Variants in ZNF846 observed in about 807,000 individuals in gnomAD.
The protein encoded by ZNF846 is zinc finger protein 420 pseudogene.
In ZNF846, 15 loss-of-function variants were observed where a neutral mutation model predicts 16.0. The ratio of observed to expected loss-of-function variants is 0.94; its 90% CI spans 0.63 to 1.45. The LOEUF is 1.45. Among genes scored for constraint, ZNF846 ranks in the 40% most tolerant of loss-of-function variants. The probability of loss-of-function intolerance (pLI) is 0.00; values close to 1 mark genes in which losing one functional copy is unlikely to be tolerated. For missense variants in ZNF846, 714 were observed against 622.3 expected (o/e 1.15, Z -1.57); for synonymous variants, 229 against 212.0 (o/e 1.08, Z -0.70).
At chr19:9,755,570 G>C (rs2045124662), downstream of ZNF846, 1 of 150,880 alleles carries the variant, frequency 6.6e-6, no homozygotes, top group Non-Finnish European at 1.5e-5. Flanking sequence ...GGAGGCCGAA[G>C]CGGGCGGATC....
intron 1 of ZNF846, among the ~76,000 whole-genome samples, chr19:9,779,202 T>G (rs1255875491): frequency 6.6e-6 from 1 of 152,178 alleles, no homozygotes; most frequent in Non-Finnish European, 1.5e-5. Flanking sequence ...GGTGTCACCT[T>G]GAAAAGAGGT....
chr19:9,781,787 T>C (rs530401376), intron 1 of ZNF846, among the ~76,000 whole-genome samples: 55 of 151,726 alleles, frequency 3.6e-4, no homozygotes, highest in African/African-American at 1.3e-3. Flanking sequence ...ATTTTTTTTT[T>C]TTTTTTTTGA....
chr19:9,751,148 A>T (rs771573120), downstream of ZNF846, among the ~76,000 whole-genome samples: 2 of 152,012 alleles, frequency 1.3e-5, no homozygotes, highest in Non-Finnish European at 2.9e-5. Context: ...TAATCTCTCA[A>T]TTCCTACAAA....
At chr19:9,754,563 T>TCAA (rs776769152), downstream of ZNF846, among the ~76,000 whole-genome samples, 22 of 83,768 alleles carry the variant, frequency 2.6e-4, 1 homozygote, top group African/African-American at 7.8e-4. Flanking sequence ...AGACTCTGTC[T>TCAA]TAAAAAAAAA....
downstream of ZNF846, chr19:9,757,434 C>A: frequency 6.8e-7 from 1 of 1,466,304 alleles, no homozygotes; most frequent in Non-Finnish European, 9.1e-7. Context: ...GATTTTTTTC[C>A]AGATGAGTTT....
exon 6 of ZNF846, chr19:9,757,817 C>T: frequency 6.2e-7 from 1 of 1,613,334 alleles, no homozygotes. Context: ...ATTCATATGG[C>T]TTCTCTCCAG....
At chr19:9,765,279 G>A (rs977324090) in intron 1 of ZNF846, among the ~76,000 whole-genome samples, 3 of 152,218 alleles carry the variant, frequency 2.0e-5, no homozygotes, top group Admixed American at 2.0e-4. Context: ...GGAGGCCGAG[G>A]TGGGGGAATC....
intron 1 of ZNF846, among the ~76,000 whole-genome samples, chr19:9,783,542 AAAAT>A (rs1277784468): frequency 2.3e-4 from 27 of 118,422 alleles, no homozygotes; most frequent in African/African-American, 1.0e-3. Flanking sequence ...AAAAAAAAAA[AAAAT>A]ATATATATAT....
downstream of ZNF846, chr19:9,756,740 T>C (rs1599382361): frequency 6.6e-6 from 1 of 151,828 alleles, no homozygotes; most frequent in East Asian, 1.9e-4. Context: ...CTCATGTAGA[T>C]ATTAAGTCCT....
chr19:9,750,393 C>T (rs775844082), downstream of ZNF846, among the ~76,000 whole-genome samples: 1 of 152,122 alleles, frequency 6.6e-6, no homozygotes, highest in Non-Finnish European at 1.5e-5. Context: ...ACCATCAATC[C>T]CCATTACAAC....
chr19:9,776,934 G>C (rs184461654), intron 1 of ZNF846, among the ~76,000 whole-genome samples: 1 of 152,032 alleles, frequency 6.6e-6, no homozygotes, highest in East Asian at 1.9e-4. Context: ...AAATCAGAAA[G>C]CTCTGAAGAG....
intron 1 of ZNF846, among the ~76,000 whole-genome samples, chr19:9,779,839 C>T (rs1488083037): frequency 6.6e-6 from 1 of 151,630 alleles, no homozygotes; most frequent in African/African-American, 2.4e-5. Context: ...TCCCAAAGTG[C>T]TAGGATTACA....
In ZNF846 at chr19:9,758,385, C is replaced by CATTCCTT. The variant is rs2045168151; in HGVS notation, c.685_691dup (p.Cys231Ter). 6.2e-7 allele frequency: 1 copy of CATTCCTT among 1,613,108 alleles called. No individual in the cohort carries two copies. Among genetic ancestry groups the CATTCCTT allele is most frequent in the Non-Finnish European group, 8.5e-7 (1 of 1,179,874 alleles). On this transcript the variant is annotated stop_gained and frameshift_variant, in exon 6 of 6. Transcript: ENST00000397902. LOFTEE classifies it low-confidence loss of function (END_TRUNC). ...TGAGGAATTACTGAAGGCTTTCCCA[C>CATTCCTT]ATTCCTTACATACATAGTGTTTGTC...
In ZNF846 at chr19:9,757,476, C is replaced by A. The variant is rs201054820; in HGVS notation, c.1601G>T (p.Ter534LeuextTer?). 1.9e-6 allele frequency: 3 copies of A among 1,564,070 alleles called. No individual in the cohort carries two copies. In the South Asian group the frequency reaches 3.6e-5, roughly 19 times the overall value. ...AAATACTAAGATCTGAGGAACACTT[C>A]AGGTTTTTTCACATGCCTTAGTTCT... is the stretch of plus-strand genomic sequence containing the variant. Residue 534 changes from the stop codon to leucine, a stop_lost, in exon 6 of 6, where the codon TGA (stop) becomes TTA (leucine). Transcript: ENST00000397902.
At chr19:9,776,375 C>T (rs1181165306) in intron 1 of ZNF846, among the ~76,000 whole-genome samples, 2 of 152,192 alleles carry the variant, frequency 1.3e-5, no homozygotes, top group African/African-American at 4.8e-5. Flanking sequence ...CTGGCTCTGC[C>T]TTCTAGATAG....
At chr19:9,750,664 C>G (rs574887437), downstream of ZNF846, among the ~76,000 whole-genome samples, 19 of 152,330 alleles carry the variant, frequency 1.2e-4, no homozygotes, top group African/African-American at 4.1e-4. Flanking sequence ...AAAAAAGAGT[C>G]ATCCCATTAA....
At chr19:9,768,413 G>C (rs984845832) in exon 1 of ZNF846, 4 of 152,260 alleles carry the variant, frequency 2.6e-5, no homozygotes, top group African/African-American at 9.6e-5. Context: ...TAAACAGAGG[G>C]GCACGGTGGT....
chr19:9,758,174 T>C, exon 6 of ZNF846: 1 of 1,613,368 alleles, frequency 6.2e-7, no homozygotes, highest in Non-Finnish European at 8.5e-7. Context: ...TGTGGATTCT[T>C]GTATGATCAG....
At chr19:9,761,520 G>T (rs1408559047) in intron 4 of ZNF846, among the ~76,000 whole-genome samples, 30 of 151,986 alleles carry the variant, frequency 2.0e-4, no homozygotes. Flanking sequence ...AGAACAGCCT[G>T]GCCAACATAG....
Sources: gnomAD v4.1 joint callset for allele counts (sites outside exome capture counted in the v4.1 genomes callset) on GRCh38, gnomAD v4.1.1 for gene constraint, MANE v1.5 for transcripts, NCBI Gene and HGNC (gene_info 2026-07-23, HGNC 2026-07-21) for gene names.